The following TRIQK variants were observed in gnomAD, a reference collection of about 807,000 sequenced individuals.
TRIQK encodes triple QxxK/R motif containing.
TRIQK carries 10 observed loss-of-function variants against 10.8 expected under a neutral mutation model. The observed-to-expected ratio is 0.92, with a 90% CI of 0.57 to 1.57. The LOEUF is 1.57. Among genes scored for constraint, TRIQK ranks in the 40% most tolerant of loss-of-function variants. TRIQK has a pLI of 0.00. For synonymous variants in TRIQK, 33 were observed against 33.7 expected, an observed-to-expected ratio of 0.98 and a Z score of 0.07; for missense variants, 107 against 97.7, an observed-to-expected ratio of 1.09 and a Z score of -0.40.
chr8:92,935,734 G>T (rs887366145), intron 2 of TRIQK, among the ~76,000 whole-genome samples: 1 of 151,028 alleles, frequency 6.6e-6, no homozygotes, highest in Non-Finnish European at 1.5e-5. Context: ...TACACAAACA[G>T]TATTAGATAT....
chr8:93,012,357 C>A (rs1460543410), intron 1 of TRIQK, among the ~76,000 whole-genome samples: 1 of 152,096 alleles, frequency 6.6e-6, no homozygotes, highest in African/African-American at 2.4e-5. Flanking sequence ...AACAGAGTGC[C>A]CACGATTCTG....
intron 2 of TRIQK, among the ~76,000 whole-genome samples, chr8:92,940,513 A>G (rs1586463983): frequency 1.3e-5 from 2 of 152,276 alleles, no homozygotes; most frequent in Admixed American, 6.5e-5. Flanking sequence ...AAATTTTAAA[A>G]CCATAAAAGA....
intron 2 of TRIQK, chr8:92,954,051 T>C (rs1282115668): frequency 6.6e-6 from 1 of 151,876 alleles, no homozygotes; most frequent in African/African-American, 2.4e-5. Context: ...TATCAAAATA[T>C]TGCAATATAC....
intron 1 of TRIQK, among the ~76,000 whole-genome samples, chr8:92,975,748 G>C (rs1271384309): frequency 6.6e-6 from 1 of 151,504 alleles, no homozygotes; most frequent in African/African-American, 2.4e-5. Flanking sequence ...AGTTACTTTA[G>C]ATAGAGATTG....
intron 2 of TRIQK, among the ~76,000 whole-genome samples, chr8:92,924,974 A>T (rs1197042251): frequency 6.6e-6 from 1 of 152,058 alleles, no homozygotes. Context: ...TAAAAACTGA[A>T]ATATGCAAAA....
chr8:92,932,140 T>C (rs1332208876), intron 2 of TRIQK, among the ~76,000 whole-genome samples: 1 of 152,054 alleles, frequency 6.6e-6, no homozygotes, highest in Non-Finnish European at 1.5e-5. Context: ...CCTCTTTCAT[T>C]AGCATTCTTC....
intron 1 of TRIQK, among the ~76,000 whole-genome samples, chr8:92,980,071 C>A (rs1046457854): frequency 1.3e-5 from 2 of 152,024 alleles, no homozygotes; most frequent in Non-Finnish European, 2.9e-5. Flanking sequence ...ACCATTAGAT[C>A]TGATGTTCAC....
At chr8:92,980,245 A>G (rs1812972855) in intron 1 of TRIQK, among the ~76,000 whole-genome samples, 1 of 152,068 alleles carries the variant, frequency 6.6e-6, no homozygotes, top group Non-Finnish European at 1.5e-5. Flanking sequence ...AGGTATTCTA[A>G]TATGGGAATT....
chr8:92,890,507 A>G (rs1328222172), intron 4 of TRIQK, among the ~76,000 whole-genome samples: 1 of 151,864 alleles, frequency 6.6e-6, no homozygotes, highest in Admixed American at 6.6e-5. Flanking sequence ...AGATAACTGC[A>G]CTATAAGGTA....
At chr8:92,986,138 A>G (rs1813028377) in intron 1 of TRIQK, among the ~76,000 whole-genome samples, 1 of 152,162 alleles carries the variant, frequency 6.6e-6, no homozygotes, top group Admixed American at 6.5e-5. Flanking sequence ...TGGATCTATT[A>G]AGATGATTTT....
chr8:92,905,031 T>TC (rs1037619514), intron 3 of TRIQK, among the ~76,000 whole-genome samples: 10 of 152,090 alleles, frequency 6.6e-5, no homozygotes, highest in Non-Finnish European at 1.3e-4. Flanking sequence ...TTATTACACA[T>TC]CCATACTTAT....
chr8:92,981,654 A>T (rs1812988384), intron 1 of TRIQK, among the ~76,000 whole-genome samples: 1 of 151,838 alleles, frequency 6.6e-6, no homozygotes, highest in South Asian at 2.1e-4. Context: ...GTTTACTGTA[A>T]ATTCTAAATG....
intron 2 of TRIQK, among the ~76,000 whole-genome samples, chr8:92,948,537 C>T (rs1480219916): frequency 1.3e-5 from 2 of 152,128 alleles, no homozygotes; most frequent in Non-Finnish European, 2.9e-5. Context: ...ATCATTGCAA[C>T]AGGAAAGTTG....
chr8:92,969,038 C>G (rs1218081958), upstream of TRIQK, among the ~76,000 whole-genome samples: 1 of 152,148 alleles, frequency 6.6e-6, no homozygotes, highest in African/African-American at 2.4e-5. Flanking sequence ...GTTTTCCCAA[C>G]ACCATTTATT....
intron 4 of TRIQK, among the ~76,000 whole-genome samples, chr8:92,888,972 T>C (rs1293636478): frequency 1.3e-5 from 2 of 151,686 alleles, no homozygotes; most frequent in East Asian, 1.9e-4. Flanking sequence ...ATCTTTTAAT[T>C]GAGCAGCAAC....
intron 2 of TRIQK, among the ~76,000 whole-genome samples, chr8:92,933,490 C>T (rs148639647): frequency 4.9e-4 from 74 of 152,170 alleles, no homozygotes; most frequent in African/African-American, 1.3e-3. Flanking sequence ...ATATGCTCCA[C>T]GCTATGGCAA....
intron 1 of TRIQK, among the ~76,000 whole-genome samples, chr8:93,016,320 A>G (rs1380524626): frequency 6.6e-6 from 1 of 152,166 alleles, no homozygotes; most frequent in African/African-American, 2.4e-5. Context: ...GTCCTCTGGC[A>G]TTATCTTTAG....
chr8:92,891,461 T>G (rs938249669), intron 4 of TRIQK, among the ~76,000 whole-genome samples: 3 of 151,896 alleles, frequency 2.0e-5, no homozygotes, highest in Non-Finnish European at 2.9e-5. Context: ...AATTAATATC[T>G]GCTAACATCA....
chr8:92,899,121 T>G (rs1054674390), intron 3 of TRIQK, among the ~76,000 whole-genome samples: 11 of 151,144 alleles, frequency 7.3e-5, no homozygotes, highest in Non-Finnish European at 1.2e-4. Context: ...GTAACTGGGT[T>G]TACAGGCACA....
Sources: gnomAD v4.1 joint callset for allele counts (sites outside exome capture counted in the v4.1 genomes callset) on GRCh38, gnomAD v4.1.1 for gene constraint, MANE v1.5 for transcripts, NCBI Gene and HGNC (gene_info 2026-07-23, HGNC 2026-07-21) for gene names.